The following CAPN13 variants were observed in gnomAD, a reference collection of about 807,000 sequenced individuals.
CAPN13 encodes the protein calpain 13, also known as calpain-13.
Under a neutral mutation model 98.4 loss-of-function variants are expected in CAPN13, and 90 were observed. The observed-to-expected ratio is 0.92, with a 90% CI of 0.77 to 1.09. The LOEUF (loss-of-function observed/expected upper bound fraction) is 1.09. CAPN13 is among the 50% of genes least tolerant of loss of function. The pLI, the probability that CAPN13 is intolerant of heterozygous loss-of-function variation, is 0.00. For synonymous variants in CAPN13, 330 were observed against 305.5 expected, an observed-to-expected ratio of 1.08 and a Z score of -0.84; for missense variants, 887 against 841.3, an observed-to-expected ratio of 1.05 and a Z score of -0.67.
intron 5 of CAPN13, among the ~76,000 whole-genome samples, chr2:30,765,961 C>A (rs1673088298): frequency 6.6e-6 from 1 of 152,222 alleles, no homozygotes; most frequent in Non-Finnish European, 1.5e-5. Flanking sequence ...GCTCAGTTAA[C>A]TGTAGAGCCT....
intron 1 of CAPN13, among the ~76,000 whole-genome samples, chr2:30,796,595 C>T (rs1378222657): frequency 6.6e-6 from 1 of 152,016 alleles, no homozygotes; most frequent in South Asian, 2.1e-4. Context: ...AAATCAAGAG[C>T]AATTAACCAA....
chr2:30,748,956 A>G (rs941639013), intron 11 of CAPN13, among the ~76,000 whole-genome samples: 2 of 152,094 alleles, frequency 1.3e-5, no homozygotes, highest in African/African-American at 4.8e-5. Context: ...AGCCATGAGT[A>G]TCACCAGAAA....
At chr2:30,754,177 C>A (rs1011000029) in intron 9 of CAPN13, 113 bp downstream of exon 9, 2 of 771,672 alleles carry the variant, frequency 2.6e-6, no homozygotes, top group Admixed American at 8.0e-5. Context: ...TCCCTCTAAA[C>A]AGGTCTCTGC....
At chr2:30,753,407 T>C (rs1278377222) in intron 9 of CAPN13, among the ~76,000 whole-genome samples, 3 of 152,220 alleles carry the variant, frequency 2.0e-5, no homozygotes, top group Admixed American at 2.0e-4. Flanking sequence ...TTCTGGGGTC[T>C]GCCGGTCACC....
Position 30,763,154 on chromosome 2 carries a change from T to C in CAPN13, c.702A>G (p.Pro234=), listed in dbSNP as rs890806522. Reference sequence around the variant, plus strand: ...TCTCCATCGCCTGTGCTGTATCTGTTGGCTTCAAGGCAGAAAAGCAGATCA... The same window carrying C: ...TCTCCATCGCCTGTGCTGTATCTGTCGGCTTCAAGGCAGAAAAGCAGATCA... The part of the protein sequence containing the change: ...SLITCATPSG[P]TDTAQAMENG... The change falls in exon 7 of 23, where the codon CCA becomes CCG. Residue 234 remains proline, a splice_region_variant and synonymous_variant. Transcript: ENST00000295055. The C allele has an allele frequency of 2.5e-6, 4 of 1,610,662 alleles. No homozygotes were observed. The highest frequency in any genetic ancestry group is 2.5e-6 in the Non-Finnish European group (3 of 1,178,474).
At chr2:30,728,171 C>A (rs1670925010) in intron 22 of CAPN13, among the ~76,000 whole-genome samples, 1 of 149,692 alleles carries the variant, frequency 6.7e-6, no homozygotes, top group Non-Finnish European at 1.5e-5. Flanking sequence ...AATTGGGGAG[C>A]AACTGCTGTG....
At chr2:30,784,839 G>A (rs1233702722) in intron 2 of CAPN13, among the ~76,000 whole-genome samples, 1 of 152,150 alleles carries the variant, frequency 6.6e-6, no homozygotes, top group Non-Finnish European at 1.5e-5. Context: ...TAGAGTTACT[G>A]TGAAGATTGA....
intron 19 of CAPN13, among the ~76,000 whole-genome samples, 157 bp downstream of exon 19, chr2:30,734,292 C>T (rs982242109): frequency 6.6e-6 from 1 of 152,110 alleles, no homozygotes; most frequent in Non-Finnish European, 1.5e-5. Flanking sequence ...ACCGTGGAGG[C>T]CCCCCAGGGT....
At chr2:30,755,793 T>A (rs1464603935) in intron 8 of CAPN13, among the ~76,000 whole-genome samples, 1 of 152,248 alleles carries the variant, frequency 6.6e-6, no homozygotes, top group African/African-American at 2.4e-5. Flanking sequence ...GGCAATTTTA[T>A]AATTAAGTGA....
At chr2:30,760,789 G>A (rs1672813041) in intron 7 of CAPN13, among the ~76,000 whole-genome samples, 1 of 152,166 alleles carries the variant, frequency 6.6e-6, no homozygotes, top group Non-Finnish European at 1.5e-5. Flanking sequence ...TGGTCTGGGG[G>A]AGCAGGGGTC....
rs377697181 is a variant in CAPN13 at position 30,753,020 on chromosome 2, G to C, written c.1087+33C>G. 4.7e-5 allele frequency: 76 copies of C among 1,611,752 alleles called. No homozygotes were observed. The African/African-American group carries it at 9.2e-4, about 19-fold the overall frequency. On this transcript the variant is annotated intron_variant, in intron 10 of 22. Coordinates refer to ENST00000295055, the MANE Select transcript of CAPN13 (RefSeq NM_144575.3). ...GCTGGGCTGGGGCAGCCAGCTTCCAGTTGGGCAGTGTGACCACCAGCGTCA... is the reference window on the plus strand; with the variant it reads ...GCTGGGCTGGGGCAGCCAGCTTCCACTTGGGCAGTGTGACCACCAGCGTCA...
At chr2:30,766,667 A>T (rs904304283) in intron 5 of CAPN13, among the ~76,000 whole-genome samples, 6 of 152,176 alleles carry the variant, frequency 3.9e-5, no homozygotes, top group African/African-American at 1.4e-4. Flanking sequence ...TCATTTGGGG[A>T]AAATGTCTTT....
At chr2:30,736,396 G>C in intron 18 of CAPN13, 107 bp downstream of exon 18, 2 of 1,113,446 alleles carry the variant, frequency 1.8e-6, no homozygotes, top group South Asian at 1.3e-5. Context: ...AGGGGTGAGA[G>C]TTCCTCTTCT....
intron 1 of CAPN13, among the ~76,000 whole-genome samples, chr2:30,801,600 GTCTTAAAAAAAAAAAAAAAAAAAAA>G (rs1675275840): frequency 8.7e-6 from 1 of 114,946 alleles, no homozygotes; most frequent in Non-Finnish European, 1.7e-5. Context: ...GGGAGACTCA[GTCTTAAAAAAAAAAAAAAAAAAAAA>G]AAGAAGAAGA....
chr2:30,724,349 T>G (rs888445188), intron 22 of CAPN13, among the ~76,000 whole-genome samples: 1 of 152,168 alleles, frequency 6.6e-6, no homozygotes, highest in African/African-American at 2.4e-5. Flanking sequence ...CAGCAGAATT[T>G]CAAAATCCCT....
At chr2:30,758,827 T>TC (rs1553313162) in intron 7 of CAPN13, among the ~76,000 whole-genome samples, 1 of 79,948 alleles carries the variant, frequency 1.3e-5, no homozygotes, top group Non-Finnish European at 2.6e-5. Flanking sequence ...CTCCCTTCCT[T>TC]CCTCCCTTCC....
rs1386827976 is a variant in CAPN13 at position 30,749,522 on chromosome 2, A to C, written c.1236+1581T>G. Among the ~76,000 whole-genome samples the C allele has an allele frequency of 3.9e-5, 6 of 152,302 alleles. No homozygotes were observed. In the South Asian group the frequency reaches 6.2e-4, roughly 16 times the overall value. On this transcript the variant is annotated intron_variant, in intron 11 of 22. Transcript: ENST00000295055. ...ACCCAAGGCTGTGAATTTTGCCTTC[A>C]GCTCAGTCAACAGAAACTGAAATCA...
At chr2:30,783,848 T>C (rs945046661) in intron 2 of CAPN13, among the ~76,000 whole-genome samples, 4 of 152,186 alleles carry the variant, frequency 2.6e-5, no homozygotes, top group South Asian at 2.1e-4. Context: ...CTCAGCAAGC[T>C]ATAGCTTGGC....
At chr2:30,734,381 A>G (rs548063441) in intron 19 of CAPN13, 68 bp downstream of exon 19, 5 of 1,210,328 alleles carry the variant, frequency 4.1e-6, no homozygotes, top group Non-Finnish European at 6.1e-6. Flanking sequence ...CAGCCTTGCT[A>G]CTAGGGGTGT....
Sources: gnomAD v4.1 joint callset for allele counts (sites outside exome capture counted in the v4.1 genomes callset) on GRCh38, gnomAD v4.1.1 for gene constraint, MANE v1.5 for transcripts, NCBI Gene and HGNC (gene_info 2026-07-23, HGNC 2026-07-21) for gene names.